ZBTB16: variants seen among roughly 807,000 people sequenced by gnomAD.
The protein encoded by ZBTB16 is zinc finger and BTB domain containing 16, also known as zinc finger and BTB domain-containing protein 16.
A neutral mutation model predicts 56.8 loss-of-function variants in ZBTB16; 8 were observed. The observed-to-expected ratio is 0.14, with a 90% confidence interval of 0.08 to 0.25. ZBTB16 has a LOEUF of 0.25. ZBTB16 is among the 10% of genes least tolerant of loss of function. The probability of loss-of-function intolerance (pLI) is 1.00; values close to 1 mark genes in which losing one functional copy is unlikely to be tolerated. For missense variants in ZBTB16, 625 were observed against 903.0 expected (o/e 0.69, Z 3.95); for synonymous variants, 363 against 368.5 (o/e 0.98, Z 0.17).
intron 4 of ZBTB16, among the ~76,000 whole-genome samples, chr11:114,231,476 C>A (rs914005798): frequency 2.0e-5 from 3 of 152,176 alleles, no homozygotes; most frequent in Non-Finnish European, 4.4e-5. Context: ...CAATAATTGC[C>A]TCTGTGAGTG....
chr11:114,114,615 A>G (rs563469793), intron 2 of ZBTB16, among the ~76,000 whole-genome samples: 96 of 152,256 alleles, frequency 6.3e-4, no homozygotes, highest in African/African-American at 2.3e-3. Flanking sequence ...TATGTTCTCT[A>G]GAATGTTCTA....
At chr11:114,244,248 T>C (rs1012496725) in intron 5 of ZBTB16, among the ~76,000 whole-genome samples, 8 of 148,220 alleles carry the variant, frequency 5.4e-5, no homozygotes, top group African/African-American at 2.0e-4. Context: ...TCAGCTGTGC[T>C]GAAGGGAGGG....
intron 2 of ZBTB16, among the ~76,000 whole-genome samples, chr11:114,123,060 G>A (rs1244070211): frequency 2.0e-5 from 3 of 152,158 alleles, no homozygotes; most frequent in Non-Finnish European, 4.4e-5. Context: ...TCCTCCCAGG[G>A]TGGAGAAAGA....
chr11:114,222,572 G>T (rs898157729), intron 4 of ZBTB16, among the ~76,000 whole-genome samples: 3 of 152,070 alleles, frequency 2.0e-5, no homozygotes, highest in African/African-American at 7.2e-5. Flanking sequence ...ACCTGGCATT[G>T]TATCCACCAC....
chr11:114,185,372 A>G lies in ZBTB16; in HGVS notation c.1367-1580A>G, dbSNP rs376093567. On this transcript the variant is annotated intron_variant, in intron 3 of 6. Transcript: ENST00000335953. ...TCGAACAGATGGAAGAATGGGACTGAGCATTGCTCAGGCACAGAGACTCTG... is the reference window on the plus strand; with the variant it reads ...TCGAACAGATGGAAGAATGGGACTGGGCATTGCTCAGGCACAGAGACTCTG... Among the ~76,000 whole-genome samples, 15 of 152,340 alleles carry G rather than the reference A, an allele frequency of 9.8e-5. No individual in the cohort carries two copies. In the South Asian group the frequency reaches 3.1e-3, roughly 32 times the overall value.
chr11:114,121,415 G>A (rs1249396612), intron 2 of ZBTB16, among the ~76,000 whole-genome samples: 2 of 152,196 alleles, frequency 1.3e-5, no homozygotes, highest in African/African-American at 4.8e-5. Context: ...TGCCAGTAAG[G>A]TGGGGAGGTC....
At chr11:114,119,314 G>A (rs1349339578) in intron 2 of ZBTB16, among the ~76,000 whole-genome samples, 4 of 150,944 alleles carry the variant, frequency 2.6e-5, no homozygotes, top group Admixed American at 2.0e-4. Context: ...GCGTTGTTAG[G>A]GGGTATTGTA....
intron 4 of ZBTB16, among the ~76,000 whole-genome samples, chr11:114,233,072 C>CGT (rs1565699754): frequency 0.019 from 583 of 31,284 alleles, 50 homozygotes; most frequent in Middle Eastern, 0.054. Context: ...CGCATGCGCG[C>CGT]GCGCGCGCGC....
At chr11:114,156,519 C>T in intron 3 of ZBTB16, 85 bp downstream of exon 3, 1 of 1,282,506 alleles carries the variant, frequency 7.8e-7, no homozygotes, top group Non-Finnish European at 1.1e-6. Flanking sequence ...CCTGCTGTGG[C>T]CTGCATGTCC....
chr11:114,094,041 C>T (rs373426882), intron 2 of ZBTB16, among the ~76,000 whole-genome samples: 3 of 152,216 alleles, frequency 2.0e-5, no homozygotes, highest in East Asian at 1.9e-4. Context: ...CAGGGCCAGG[C>T]GCGGTGGCTC....
chr11:114,222,272 C>G (rs1019648662), intron 4 of ZBTB16, among the ~76,000 whole-genome samples: 6 of 152,194 alleles, frequency 3.9e-5, no homozygotes, highest in African/African-American at 1.4e-4. Flanking sequence ...AAAGTATCAT[C>G]CATGCTGTTT....
intron 4 of ZBTB16, among the ~76,000 whole-genome samples, chr11:114,217,947 C>G (rs1270058290): frequency 6.6e-6 from 1 of 152,214 alleles, no homozygotes; most frequent in African/African-American, 2.4e-5. Context: ...ATAGATGGGT[C>G]TCTCCAGGGT....
At chr11:114,209,120 A>G (rs545027667) in intron 4 of ZBTB16, among the ~76,000 whole-genome samples, 42 of 152,282 alleles carry the variant, frequency 2.8e-4, no homozygotes, top group Admixed American at 2.4e-3. Context: ...GAGGGCAGAG[A>G]CAAAGGAGGT....
At position 114,143,086 on chromosome 11, in the gene ZBTB16, C is replaced by T. The variant is rs1941999002; in HGVS notation, c.1269-13251C>T. ...GCCTTGGTGAGCGTGGGCTTGCTCCCACCTACTCTCCCAGGTTCCGAGGCT... is the reference window on the plus strand; with the variant it reads ...GCCTTGGTGAGCGTGGGCTTGCTCCTACCTACTCTCCCAGGTTCCGAGGCT... On this transcript the variant is annotated intron_variant, in intron 2 of 6. Coordinates refer to ENST00000335953, the MANE Select transcript of ZBTB16 (RefSeq NM_006006.6). This position sits in a 1 kb window ranked among gnomAD's most constrained non-coding sequence, Gnocchi z 6.4. Among the ~76,000 whole-genome samples the T allele has an allele frequency of 6.6e-6, 1 of 151,976 alleles. No homozygotes were observed. The highest frequency in any genetic ancestry group is 1.5e-5 in the Non-Finnish European group (1 of 67,952).
intron 2 of ZBTB16, among the ~76,000 whole-genome samples, chr11:114,151,154 A>G (rs891494194): frequency 6.6e-6 from 1 of 152,194 alleles, no homozygotes; most frequent in African/African-American, 2.4e-5. Flanking sequence ...AGGGGTGGTC[A>G]TAGGATCAAA....
At chr11:114,095,705 G>A (rs539541673) in intron 2 of ZBTB16, among the ~76,000 whole-genome samples, 2 of 152,238 alleles carry the variant, frequency 1.3e-5, no homozygotes, top group South Asian at 2.1e-4. Flanking sequence ...AAACAACTGC[G>A]AGGCTCAGGC....
intron 2 of ZBTB16, among the ~76,000 whole-genome samples, chr11:114,068,192 T>C (rs1459110368): frequency 6.6e-6 from 1 of 151,650 alleles, no homozygotes; most frequent in East Asian, 1.9e-4. Flanking sequence ...TAGGCCTGAG[T>C]GTTGGTAAAG....
intron 4 of ZBTB16, among the ~76,000 whole-genome samples, chr11:114,198,609 G>A (rs903593123): frequency 2.0e-5 from 3 of 152,052 alleles, no homozygotes; most frequent in Non-Finnish European, 4.4e-5. Context: ...GCAGCTTTAG[G>A]TTATAGCAAA....
intron 4 of ZBTB16, among the ~76,000 whole-genome samples, chr11:114,191,579 C>T (rs533805334): frequency 7.2e-5 from 11 of 152,290 alleles, no homozygotes; most frequent in East Asian, 1.9e-4. Context: ...GCTCTTTCCA[C>T]GACTCCCCAG....
Sources: allele counts gnomAD v4.1 joint callset (sites outside exome capture counted in the v4.1 genomes callset), GRCh38; gene constraint gnomAD v4.1.1; non-coding constraint Gnocchi (gnomAD v3.1); transcripts MANE v1.5; gene names NCBI Gene and HGNC (gene_info 2026-07-23, HGNC 2026-07-21).